CHKA: variants seen among roughly 807,000 people sequenced by gnomAD.
The protein encoded by CHKA is CHETK-alpha.
A neutral mutation model predicts 60.1 loss-of-function variants in CHKA; 34 were observed. The observed-to-expected ratio is 0.57, with a 90% CI of 0.43 to 0.75. The LOEUF (loss-of-function observed/expected upper bound fraction) is 0.75. Ranked by LOEUF, CHKA falls within the 30% of genes least tolerant of loss-of-function variation. The probability of loss-of-function intolerance (pLI) is 0.00; values close to 1 mark genes in which losing one functional copy is unlikely to be tolerated. For synonymous variants in CHKA, 217 were observed against 223.1 expected, an observed-to-expected ratio of 0.97 and a Z score of 0.24; for missense variants, 563 against 561.3, an observed-to-expected ratio of 1.00 and a Z score of -0.03.
chr11:68,074,935 T>A, intron 3 of CHKA, 105 bp from the exon 4 acceptor site: 1 of 966,090 alleles, frequency 1.0e-6, no homozygotes, highest in Admixed American at 2.0e-5. Context: ...ATGAGTATTC[T>A]TTCACGTGGG....
At chr11:68,062,469 T>G (rs1488013977) in intron 10 of CHKA, among the ~76,000 whole-genome samples, 1 of 152,222 alleles carries the variant, frequency 6.6e-6, no homozygotes, top group Non-Finnish European at 1.5e-5. Flanking sequence ...CTCTCACTCC[T>G]TGAGCAAGAG....
At chr11:68,099,530 A>G (rs181133128) in intron 1 of CHKA, among the ~76,000 whole-genome samples, 3 of 152,382 alleles carry the variant, frequency 2.0e-5, no homozygotes, top group Admixed American at 2.0e-4. Context: ...TAAAAAGAAC[A>G]AAAATAAAAG....
Position 68,066,512 on chromosome 11 carries a change from A to C in CHKA, c.933T>G (p.Asn311Lys). 1 of 1,613,530 alleles carries C rather than the reference A, an allele frequency of 6.2e-7. No homozygotes were observed. Residue 311 changes from asparagine to lysine, a missense_variant, in exon 8 of 12, where the codon AAT becomes AAG. By Grantham distance (94) the Asn-to-Lys change is moderately conservative. Coordinates refer to ENST00000265689, the MANE Select transcript of CHKA (RefSeq NM_001277.3). ...TCTCTCGGCCTTCCAGCAACAAGAT[A>C]TTACCTGCAAAAGGTTTGGATAACA... Reference protein sequence around the residue: ...VFCHNDCQEGNILLLEGRENS... With the variant: ...VFCHNDCQEGKILLLEGRENS...
chr11:68,091,491 A>G (rs1286660932), intron 2 of CHKA, among the ~76,000 whole-genome samples: 1 of 152,210 alleles, frequency 6.6e-6, no homozygotes, highest in African/African-American at 2.4e-5. Flanking sequence ...GAATTTTCAT[A>G]AGCACCCTAA....
intron 2 of CHKA, among the ~76,000 whole-genome samples, chr11:68,084,878 T>C (rs530411095): frequency 1.3e-5 from 2 of 152,266 alleles, no homozygotes; most frequent in South Asian, 4.1e-4. Flanking sequence ...CTTTAGGGTA[T>C]ATCTGAAATT....
Position 68,070,721 on chromosome 11 carries a change from T to A in CHKA, c.764+3A>T. ...GTTAGGACCAAGTGATTTGACCACT[T>A]ACTTTTCCATTGTGCCAAAAAGCCA... is the stretch of plus-strand genomic sequence containing the variant. On this transcript the variant is annotated splice_donor_region_variant and intron_variant, in intron 5 of 11. Transcript: ENST00000265689. The A allele has an allele frequency of 6.2e-7, 1 of 1,608,880 alleles. No homozygotes were observed. Among genetic ancestry groups the A allele is most frequent in the East Asian group, 2.2e-5 (1 of 44,690 alleles).
intron 2 of CHKA, among the ~76,000 whole-genome samples, chr11:68,096,393 C>T (rs1156760440): frequency 1.3e-5 from 2 of 151,948 alleles, no homozygotes; most frequent in Non-Finnish European, 2.9e-5. Flanking sequence ...ATATTTCTAC[C>T]GTGCTCAATG....
At chr11:68,082,350 A>C (rs1205358350) in intron 2 of CHKA, 1 of 152,592 alleles carries the variant, frequency 6.6e-6, no homozygotes, top group Non-Finnish European at 1.5e-5. Flanking sequence ...AAACTTTTAT[A>C]CTCAAATACT....
At chr11:68,109,168 C>A (rs534228305) in intron 1 of CHKA, among the ~76,000 whole-genome samples, 1 of 149,152 alleles carries the variant, frequency 6.7e-6, no homozygotes, top group East Asian at 2.0e-4. Flanking sequence ...CGGCTCACAG[C>A]AAGCTCCACC....
chr11:68,100,709 T>C (rs1463788679), intron 1 of CHKA, among the ~76,000 whole-genome samples: 1 of 151,428 alleles, frequency 6.6e-6, no homozygotes, highest in Non-Finnish European at 1.5e-5. Context: ...CACACATATA[T>C]ATGAGAGGCA....
chr11:68,113,228 C>CTGTGAATA (rs1456525547), intron 1 of CHKA, among the ~76,000 whole-genome samples: 1 of 151,062 alleles, frequency 6.6e-6, no homozygotes, highest in Non-Finnish European at 1.5e-5. Context: ...AGGACCACAT[C>CTGTGAATA]TGTGAATACC....
At chr11:68,095,728 A>C (rs1400169593) in intron 2 of CHKA, among the ~76,000 whole-genome samples, 3 of 143,998 alleles carry the variant, frequency 2.1e-5, no homozygotes, top group Non-Finnish European at 4.5e-5. Flanking sequence ...AAAAAAAAAA[A>C]AAAAAACAAC....
Position 68,074,741 on chromosome 11 carries a change from T to C in CHKA, c.606A>G (p.Gln202=). 1 of 1,614,252 alleles carries C rather than the reference T, an allele frequency of 6.2e-7. No homozygotes were observed. Among genetic ancestry groups the C allele is most frequent in the Admixed American group, 1.7e-5 (1 of 60,032 alleles). ...LGPKLYGIFP[Q]GRLEQFIPSR... is the part of the protein sequence containing the mutation. ...CCGGGATGAACTGCTCCAGTCGGCCTTGGGGAAAGATGCCATAGAGTTTTG... is the reference window on the plus strand; with the variant it reads ...CCGGGATGAACTGCTCCAGTCGGCCCTGGGGAAAGATGCCATAGAGTTTTG... The change falls in exon 4 of 12, where the codon CAA becomes CAG. Residue 202 remains glutamine, a synonymous_variant. Coordinates refer to ENST00000265689, the MANE Select transcript of CHKA (RefSeq NM_001277.3).
At chr11:68,058,661 T>C (rs1856113852) in intron 11 of CHKA, among the ~76,000 whole-genome samples, 3 of 152,236 alleles carry the variant, frequency 2.0e-5, no homozygotes. Flanking sequence ...TTGATTCCTT[T>C]ATTATTTTAA....
intron 11 of CHKA, among the ~76,000 whole-genome samples, chr11:68,056,523 C>T (rs757282310): frequency 5.3e-5 from 8 of 152,218 alleles, no homozygotes; most frequent in Non-Finnish European, 1.2e-4. Flanking sequence ...ACATTTCAAT[C>T]ATGCCTATCC....
At chr11:68,118,945 T>C (rs1858497522) in intron 1 of CHKA, among the ~76,000 whole-genome samples, 1 of 152,174 alleles carries the variant, frequency 6.6e-6, no homozygotes, top group South Asian at 2.1e-4. Context: ...AGAGCACTGG[T>C]GCAGGAGAAG....
chr11:68,092,372 T>C (rs1452256370), intron 2 of CHKA, among the ~76,000 whole-genome samples: 1 of 152,186 alleles, frequency 6.6e-6, no homozygotes, highest in African/African-American at 2.4e-5. Flanking sequence ...CTCCTTCCAT[T>C]ATAGGCCAGA....
chr11:68,073,952 C>T (rs1247374417), intron 4 of CHKA, among the ~76,000 whole-genome samples: 3 of 152,112 alleles, frequency 2.0e-5, no homozygotes, highest in Non-Finnish European at 2.9e-5. Flanking sequence ...CTGACAAAGA[C>T]GAGCATTGCC....
chr11:68,106,051 A>G (rs1268117343), intron 1 of CHKA, among the ~76,000 whole-genome samples: 1 of 152,250 alleles, frequency 6.6e-6, no homozygotes, highest in Non-Finnish European at 1.5e-5. Context: ...CAAAACAGCT[A>G]CTGAATTTAG....
Sources: allele counts gnomAD v4.1 joint callset (sites outside exome capture counted in the v4.1 genomes callset), GRCh38; gene constraint gnomAD v4.1.1; transcripts MANE v1.5; gene names NCBI Gene and HGNC (gene_info 2026-07-23, HGNC 2026-07-21).